The following RGPD2 variants were observed in gnomAD, a reference collection of about 807,000 sequenced individuals.
RGPD2 encodes the protein RANBP2 like and GRIP domain containing 2.
A neutral mutation model predicts 36.0 loss-of-function variants in RGPD2; 2 were observed. That is an observed-to-expected ratio of 0.06 (90% CI 0.02 to 0.17). The LOEUF is 0.17. RGPD2 is among the 10% of genes least tolerant of loss of function. The probability of loss-of-function intolerance (pLI) is 1.00; values close to 1 mark genes in which losing one functional copy is unlikely to be tolerated. For synonymous variants in RGPD2, 19 were observed against 163.8 expected, an observed-to-expected ratio of 0.12 and a Z score of 6.75; for missense variants, 40 against 464.3, an observed-to-expected ratio of 0.09 and a Z score of 8.40.
the RGPD2 span, among the ~76,000 whole-genome samples, chr2:87,988,904 C>A: frequency 0.011 from 1,663 of 152,114 alleles, 19 homozygotes; most frequent in Non-Finnish European, 0.013. Flanking sequence ...GGGAACAGAA[C>A]TAGCACATCC....
At chr2:87,906,721 C>T in the RGPD2 span, among the ~76,000 whole-genome samples, 2 of 150,668 alleles carry the variant, frequency 1.3e-5, no homozygotes, top group Admixed American at 1.3e-4. Flanking sequence ...TATTTCTGAA[C>T]CCTCTAAGCG....
At chr2:87,857,223 G>C in the RGPD2 span, among the ~76,000 whole-genome samples, 1 of 152,172 alleles carries the variant, frequency 6.6e-6, no homozygotes, top group Admixed American at 6.5e-5. Context: ...GGAAAATTAT[G>C]CACATTTTAT....
In RGPD2 at chr2:87,761,746, TG is replaced by T. The variant is rs1295688509; in HGVS notation, c.5237-4321del. On this transcript the variant is annotated intron_variant, in intron 22 of 22. Coordinates refer to ENST00000398146, the MANE Select transcript of RGPD2 (RefSeq NM_001078170.3). ...AGAGGAAGGACACTGAAGGAAAGACTGGGAAAACCTGACTGAGGTCTGGAGT... is the reference window on the plus strand; with the variant it reads ...AGAGGAAGGACACTGAAGGAAAGACTGGAAAACCTGACTGAGGTCTGGAGT... Among the ~76,000 whole-genome samples the T allele has an allele frequency of 2.9e-5, 3 of 101,792 alleles. No individual in the cohort carries two copies. In the Admixed American group the frequency reaches 3.5e-4, roughly 12 times the overall value. 66.8% of individuals were successfully genotyped at this position (101,792 alleles called of 152,430 possible). A position where few individuals can be genotyped will look rare whatever the true frequency, so the allele number is the denominator to read the frequency against.
chr2:87,957,241 G>GGC, the RGPD2 span, among the ~76,000 whole-genome samples: 1 of 142,040 alleles, frequency 7.0e-6, no homozygotes, highest in Non-Finnish European at 1.5e-5. Context: ...GTCACTGGGG[G>GGC]GGGGCTCTCA....
intron 1 of RGPD2, among the ~76,000 whole-genome samples, chr2:87,824,706 GAGGCCGAGGCCGCCGCCGCCGCCCGGCC>G (rs1367204426): frequency 0.041 from 5,485 of 134,836 alleles, 261 homozygotes; most frequent in South Asian, 0.081. Context: ...AGGTGAGGCC[GAGGCCGAGGCCGCCGCCGCCGCCCGGCC>G]AGGCCGAGGC....
At chr2:87,932,645 GGT>G in the RGPD2 span, among the ~76,000 whole-genome samples, 3 of 150,426 alleles carry the variant, frequency 2.0e-5, no homozygotes, top group African/African-American at 4.9e-5. Flanking sequence ...AGGCAGTTCT[GGT>G]GGTAACAAAT....
At chr2:87,947,830 CTG>C in the RGPD2 span, among the ~76,000 whole-genome samples, 2 of 152,306 alleles carry the variant, frequency 1.3e-5, no homozygotes, top group African/African-American at 2.4e-5. Flanking sequence ...GGTTAATTGT[CTG>C]TGTTTCTCGC....
the RGPD2 span, among the ~76,000 whole-genome samples, chr2:87,958,536 T>C: frequency 3.9e-5 from 6 of 152,294 alleles, no homozygotes. Context: ...TGTTATGTAA[T>C]TAAATGCTGA....
At chr2:87,832,199 G>A in the RGPD2 span, among the ~76,000 whole-genome samples, 8 of 149,628 alleles carry the variant, frequency 5.3e-5, no homozygotes, top group Non-Finnish European at 1.0e-4. Context: ...AGAACTAATT[G>A]TATAAGAATG....
chr2:87,881,340 C>A, the RGPD2 span, among the ~76,000 whole-genome samples: 1 of 152,276 alleles, frequency 6.6e-6, no homozygotes, highest in African/African-American at 2.4e-5. Flanking sequence ...CTGTGTGGTG[C>A]CTTCAACCCC....
chr2:87,847,178 G>C, the RGPD2 span, among the ~76,000 whole-genome samples: 1 of 151,988 alleles, frequency 6.6e-6, no homozygotes, highest in Non-Finnish European at 1.5e-5. Context: ...TACATTTATT[G>C]ATGTTAAGCC....
chr2:87,824,653 G>A (rs1444599816), intron 1 of RGPD2, among the ~76,000 whole-genome samples: 1 of 146,954 alleles, frequency 6.8e-6, no homozygotes, highest in East Asian at 2.1e-4. Flanking sequence ...TAATGTAAAT[G>A]ACTTTAAATT....
chr2:87,966,464 G>A, the RGPD2 span, among the ~76,000 whole-genome samples: 2 of 148,826 alleles, frequency 1.3e-5, no homozygotes, highest in African/African-American at 4.9e-5. Flanking sequence ...CCCAGTCTGT[G>A]CACTCAAAAG....
the RGPD2 span, among the ~76,000 whole-genome samples, chr2:87,957,606 A>G: frequency 6.6e-6 from 1 of 151,970 alleles, no homozygotes; most frequent in Non-Finnish European, 1.5e-5. Context: ...TGAAGATTCC[A>G]CTCTCATGAC....
the RGPD2 span, among the ~76,000 whole-genome samples, chr2:87,948,307 C>T: frequency 1.3e-5 from 2 of 151,438 alleles, no homozygotes; most frequent in Non-Finnish European, 1.5e-5. Context: ...CTCATACATG[C>T]CCCATAGTGT....
At chr2:87,986,878 C>CAA in the RGPD2 span, among the ~76,000 whole-genome samples, 1,670 of 143,026 alleles carry the variant, frequency 0.012, 28 homozygotes, top group African/African-American at 0.026. Flanking sequence ...GAAACTGTCT[C>CAA]AAAAAAAAAA....
At chr2:87,839,397 G>GA in the RGPD2 span, among the ~76,000 whole-genome samples, 1 of 151,944 alleles carries the variant, frequency 6.6e-6, no homozygotes, top group African/African-American at 2.4e-5. Context: ...ATGTTATAGA[G>GA]AAAACCATTT....
chr2:87,763,422 G>T (rs1300824252), intron 22 of RGPD2, among the ~76,000 whole-genome samples: 3 of 138,320 alleles, frequency 2.2e-5, no homozygotes, highest in Admixed American at 7.3e-5. Flanking sequence ...CTCCCAAAGT[G>T]CTGGGATTAC....
chr2:87,934,500 A>C, the RGPD2 span, among the ~76,000 whole-genome samples: 4 of 145,482 alleles, frequency 2.7e-5, no homozygotes, highest in East Asian at 8.3e-4. Context: ...ACCAACGGTT[A>C]CATGGTGCAC....
Sources: gnomAD v4.1 joint callset for allele counts (sites outside exome capture counted in the v4.1 genomes callset) on GRCh38, gnomAD v4.1.1 for gene constraint, MANE v1.5 for transcripts, NCBI Gene and HGNC (gene_info 2026-07-23, HGNC 2026-07-21) for gene names.